Variants in ANO3 observed in about 807,000 individuals in gnomAD.
ANO3 encodes anoctamin 3, also known as anoctamin-3.
In ANO3, 99 loss-of-function variants were observed where a neutral mutation model predicts 144.8. That is an observed-to-expected ratio of 0.68 (90% CI 0.58 to 0.81). The LOEUF is 0.81. Among genes scored for constraint, ANO3 ranks in the 30% least tolerant of loss-of-function variants. The probability of loss-of-function intolerance (pLI) is 0.00; values close to 1 mark genes in which losing one functional copy is unlikely to be tolerated. For synonymous variants in ANO3, 414 were observed against 392.6 expected, an observed-to-expected ratio of 1.05 and a Z score of -0.64; for missense variants, 905 against 1,202.2, an observed-to-expected ratio of 0.75 and a Z score of 3.66.
At chr11:26,295,425 T>C (rs1192659246) in intron 1 of ANO3, among the ~76,000 whole-genome samples, 1 of 146,364 alleles carries the variant, frequency 6.8e-6, no homozygotes, top group Admixed American at 7.1e-5. Context: ...CTCCGGAGGC[T>C]GAGGCAGAAG....
intron 1 of ANO3, among the ~76,000 whole-genome samples, chr11:26,284,263 G>A (rs1335208614): frequency 6.6e-6 from 1 of 152,200 alleles, no homozygotes; most frequent in Non-Finnish European, 1.5e-5. Flanking sequence ...ACAGGCAAGA[G>A]GTGATGGTGG....
chr11:26,497,837 T>C (rs1020168496), intron 4 of ANO3, among the ~76,000 whole-genome samples: 4 of 152,072 alleles, frequency 2.6e-5, no homozygotes, highest in African/African-American at 9.6e-5. Context: ...TTTGATTTTA[T>C]TTTGTATTTA....
chr11:26,304,317 G>A (rs541344732), intron 1 of ANO3, among the ~76,000 whole-genome samples: 2 of 152,118 alleles, frequency 1.3e-5, no homozygotes, highest in African/African-American at 4.8e-5. Flanking sequence ...TCTACATAAT[G>A]CTTTAAAAGC....
At position 26,544,251 on chromosome 11, in the gene ANO3, C is replaced by CATATATATATATATATATAT. The variant is rs1554967685; in HGVS notation, c.1154+2187_1154+2206dup. On this transcript the variant is annotated intron_variant, in intron 11 of 26. Coordinates refer to ENST00000256737, the MANE Select transcript of ANO3 (RefSeq NM_031418.4). ...TAAGGTTAAGTAGTATTTCATTATA[C>CATATATATATATATATATAT]ATATATATATATATATATATATACA... is the stretch of plus-strand genomic sequence containing the variant. 4.9e-3 allele frequency among the ~76,000 whole-genome samples: 188 copies of CATATATATATATATATATAT among 38,300 alleles called. 1 individual carries two copies. Among genetic ancestry groups the CATATATATATATATATATAT allele is most frequent in the African/African-American group, 0.011 (162 of 14,868 alleles). The allele number at this position is 38,300 out of a possible 152,430, so 25.1% of individuals were successfully genotyped here. A position where few individuals can be genotyped will look rare whatever the true frequency, so the allele number is the denominator to read the frequency against.
chr11:26,332,849 C>T (rs1296098553), intron 1 of ANO3, among the ~76,000 whole-genome samples: 1 of 152,152 alleles, frequency 6.6e-6, no homozygotes, highest in Non-Finnish European at 1.5e-5. Flanking sequence ...GCCCATGTCC[C>T]ATGCTTGATT....
chr11:26,623,571 A>T (rs190008786), intron 17 of ANO3, among the ~76,000 whole-genome samples: 1 of 152,138 alleles, frequency 6.6e-6, no homozygotes, highest in Non-Finnish European at 1.5e-5. Context: ...AGAAAAATCA[A>T]TTGTGACTTA....
At chr11:26,279,896 A>G (rs2133843399) in intron 1 of ANO3, among the ~76,000 whole-genome samples, 1 of 152,328 alleles carries the variant, frequency 6.6e-6, no homozygotes, top group African/African-American at 2.4e-5. Context: ...GCTCTTATTA[A>G]TGAATTAAGC....
At chr11:26,572,903 T>C (rs1043121488) in intron 14 of ANO3, among the ~76,000 whole-genome samples, 2 of 152,200 alleles carry the variant, frequency 1.3e-5, no homozygotes, top group African/African-American at 4.8e-5. Flanking sequence ...GTGTTCTCTC[T>C]GGTTTACTCT....
At chr11:26,284,917 A>G (rs1853767410) in intron 1 of ANO3, among the ~76,000 whole-genome samples, 2 of 152,188 alleles carry the variant, frequency 1.3e-5, no homozygotes, top group Non-Finnish European at 2.9e-5. Context: ...AAGAAAAGAA[A>G]AAGATGCATA....
intron 4 of ANO3, among the ~76,000 whole-genome samples, chr11:26,475,626 G>A (rs1283981039): frequency 6.6e-6 from 1 of 151,882 alleles, no homozygotes; most frequent in Non-Finnish European, 1.5e-5. Context: ...AGTATAAAAG[G>A]AGCTTCATAT....
chr11:26,492,140 AAT>A (rs1158192521), intron 4 of ANO3, among the ~76,000 whole-genome samples: 1 of 152,250 alleles, frequency 6.6e-6, no homozygotes, highest in Non-Finnish European at 1.5e-5. Flanking sequence ...CTAGAATTAA[AAT>A]AGTGTTTAAT....
At position 26,355,591 on chromosome 11, in the gene ANO3, C is replaced by T. The variant is rs574079406; in HGVS notation, c.46+23270C>T. Among the ~76,000 whole-genome samples the T allele has an allele frequency of 1.2e-4, 18 of 149,074 alleles. 1 individual carries two copies. In the South Asian group the frequency reaches 3.6e-3, roughly 30 times the overall value. ...CTTTTTTTTTTGAGATGAAGTTTCA[C>T]TCTCTTTGCCCAGGATGGAGTGCAA... On this transcript the variant is annotated intron_variant, in intron 1 of 26. Transcript: ENST00000256737.
intron 10 of ANO3, among the ~76,000 whole-genome samples, chr11:26,541,267 G>A (rs1849636089): frequency 6.6e-6 from 1 of 152,102 alleles, no homozygotes; most frequent in Non-Finnish European, 1.5e-5. Flanking sequence ...GACACAGGGA[G>A]GGGAACATCA....
chr11:26,295,882 T>C (rs1854078833), intron 1 of ANO3, among the ~76,000 whole-genome samples: 1 of 152,184 alleles, frequency 6.6e-6, no homozygotes, highest in African/African-American at 2.4e-5. Context: ...TTCATGGAAA[T>C]GTCTCCTTTC....
chr11:26,337,967 G>A (rs1454007626), intron 1 of ANO3, among the ~76,000 whole-genome samples: 1 of 151,928 alleles, frequency 6.6e-6, no homozygotes, highest in African/African-American at 2.4e-5. Flanking sequence ...TTAATGTAAT[G>A]TAGTCGTACC....
Position 26,392,203 on chromosome 11 carries a change from G to C in ANO3, c.47-49715G>C, listed in dbSNP as rs540997070. 6.8e-5 allele frequency among the ~76,000 whole-genome samples: 10 copies of C among 146,422 alleles called. No individual in the cohort carries two copies. In the South Asian group the frequency reaches 2.1e-3, roughly 31 times the overall value. On this transcript the variant is annotated intron_variant, in intron 1 of 26. Transcript: ENST00000256737. Reference sequence around the variant, plus strand: ...GAGTCACAAGACTGGTTTTCTGAACGCTCCTTTGTCTGTGTCGTACATGGT... The same window carrying C: ...GAGTCACAAGACTGGTTTTCTGAACCCTCCTTTGTCTGTGTCGTACATGGT...
At position 26,598,426 on chromosome 11, in the gene ANO3, T is replaced by A; in HGVS notation, c.1509T>A (p.Leu503=). 1 of 1,591,254 alleles carries A rather than the reference T, an allele frequency of 6.3e-7. No individual in the cohort carries two copies. The highest frequency in any genetic ancestry group is 8.6e-7 in the Non-Finnish European group (1 of 1,169,558). The change falls in exon 15 of 27, where the codon CTT becomes CTA. Residue 503 remains leucine (L), a synonymous_variant. Transcript: ENST00000256737. Reference sequence around the variant, plus strand: ...GTATACTGACCTATACTTGGGACCTTATCGAATGGGAAGAAGAGGAGGTAA... The same window carrying A: ...GTATACTGACCTATACTTGGGACCTAATCGAATGGGAAGAAGAGGAGGTAA... ...RRSILTYTWD[L]IEWEEEEETL...
At chr11:26,588,500 T>C (rs950623561) in intron 14 of ANO3, among the ~76,000 whole-genome samples, 7 of 152,222 alleles carry the variant, frequency 4.6e-5, no homozygotes, top group Admixed American at 4.6e-4. Flanking sequence ...CTGAGAAAGA[T>C]TCAATATATT....
chr11:26,209,097 C>T (rs1408798242), intron 1 of ANO3, among the ~76,000 whole-genome samples: 2 of 152,166 alleles, frequency 1.3e-5, no homozygotes, highest in Non-Finnish European at 2.9e-5. Context: ...CTGCACTCAT[C>T]AACCCATCAC....
Sources: allele counts gnomAD v4.1 joint callset (sites outside exome capture counted in the v4.1 genomes callset), GRCh38; gene constraint gnomAD v4.1.1; transcripts MANE v1.5; gene names NCBI Gene and HGNC (gene_info 2026-07-23, HGNC 2026-07-21).